TRPM3: variants seen among roughly 807,000 people sequenced by gnomAD.
The protein encoded by TRPM3 is long transient receptor potential channel 3.
Under a neutral mutation model 181.2 loss-of-function variants are expected in TRPM3, and 77 were observed. The ratio of observed to expected loss-of-function variants is 0.42; its 90% CI spans 0.35 to 0.51. The LOEUF is 0.51. TRPM3 is among the 20% of genes least tolerant of loss of function. TRPM3 has a pLI of 0.01. For synonymous variants in TRPM3, 745 were observed against 796.4 expected, an observed-to-expected ratio of 0.94 and a Z score of 1.09; for missense variants, 1,759 against 2,196.7, an observed-to-expected ratio of 0.80 and a Z score of 3.98.
At chr9:70,585,709 A>G (rs2056987409) in intron 22 of TRPM3, among the ~76,000 whole-genome samples, 1 of 152,084 alleles carries the variant, frequency 6.6e-6, no homozygotes, top group Non-Finnish European at 1.5e-5. Context: ...GTACCTTCCT[A>G]AAATCTCATC....
At chr9:71,045,484 G>A (rs1306757359) in intron 1 of TRPM3, among the ~76,000 whole-genome samples, 3 of 152,068 alleles carry the variant, frequency 2.0e-5, no homozygotes, top group Non-Finnish European at 4.4e-5. Context: ...ATGAGTACCC[G>A]GTGTACAATT....
intron 1 of TRPM3, among the ~76,000 whole-genome samples, chr9:70,909,544 G>T (rs775192581): frequency 6.6e-6 from 1 of 152,154 alleles, no homozygotes; most frequent in African/African-American, 2.4e-5. Context: ...GCATTGGAAG[G>T]TTGGGCTGTC....
At chr9:71,101,770 C>T (rs2068432771) in intron 1 of TRPM3, among the ~76,000 whole-genome samples, 1 of 152,138 alleles carries the variant, frequency 6.6e-6, no homozygotes, top group Non-Finnish European at 1.5e-5. Flanking sequence ...GATATGTCCT[C>T]TTCACTTTAG....
chr9:71,264,305 A>G (rs992142091), intron 1 of TRPM3, among the ~76,000 whole-genome samples: 1 of 152,170 alleles, frequency 6.6e-6, no homozygotes, highest in Non-Finnish European at 1.5e-5. Context: ...ATTCATTCAT[A>G]TTGACAAAAG....
intron 1 of TRPM3, among the ~76,000 whole-genome samples, chr9:70,884,826 C>T (rs1308282296): frequency 6.6e-6 from 1 of 152,178 alleles, no homozygotes; most frequent in Non-Finnish European, 1.5e-5. Flanking sequence ...TGAGGCAAAA[C>T]TCCTGCTAAA....
intron 1 of TRPM3, among the ~76,000 whole-genome samples, chr9:71,101,940 C>A (rs544899961): frequency 3.3e-5 from 5 of 152,154 alleles, no homozygotes; most frequent in Non-Finnish European, 5.9e-5. Context: ...TCAGAAGAAG[C>A]AATTAAATCA....
intron 1 of TRPM3, among the ~76,000 whole-genome samples, chr9:71,408,803 C>G (rs565119094): frequency 2.0e-5 from 3 of 152,240 alleles, no homozygotes; most frequent in East Asian, 3.9e-4. Flanking sequence ...ATGTAATTGT[C>G]AGATTCACCA....
At chr9:70,809,865 A>C in intron 6 of TRPM3, 2 of 482,288 alleles carry the variant, frequency 4.1e-6, no homozygotes, top group Non-Finnish European at 4.3e-6. Context: ...GACCTTTAAC[A>C]TACAGTGTTT....
intron 8 of TRPM3, among the ~76,000 whole-genome samples, chr9:70,747,470 G>A (rs1484656173): frequency 1.3e-5 from 2 of 152,104 alleles, no homozygotes; most frequent in East Asian, 3.9e-4. Flanking sequence ...TGGAATTTTG[G>A]ACTGAAACTG....
In TRPM3 at chr9:70,682,571, G is replaced by A. The variant is rs2065744720; in HGVS notation, c.1273-993C>T. Among the ~76,000 whole-genome samples, 3 of 152,282 alleles carry A rather than the reference G, an allele frequency of 2.0e-5. No homozygotes were observed. In the South Asian group the frequency reaches 6.2e-4, roughly 32 times the overall value. ...AGTCCATAGATCACTGATGTGGACA[G>A]AGAGTGGCTGACATAATGGAGTATC... On this transcript the variant is annotated intron_variant, in intron 8 of 25. Coordinates refer to ENST00000677713, the MANE Select transcript of TRPM3 (RefSeq NM_001366145.2).
At chr9:70,947,058 C>T (rs571211038) in intron 1 of TRPM3, among the ~76,000 whole-genome samples, 25 of 152,258 alleles carry the variant, frequency 1.6e-4, no homozygotes, top group Non-Finnish European at 2.1e-4. Flanking sequence ...AACATGTATA[C>T]GCATTTTATT....
chr9:71,121,398 C>A lies in TRPM3; in HGVS notation c.-44G>T. 1 of 1,592,130 alleles carries A rather than the reference C, an allele frequency of 6.3e-7. No individual in the cohort carries two copies. The highest frequency in any genetic ancestry group is 1.1e-5 in the South Asian group (1 of 87,794). ...CCTGCAAATTCCATTAGGGCAGAGG[C>A]TTCCTGGAACTTGGAAGACTAGTCA... On this transcript the variant is annotated 5_prime_UTR_variant, in exon 1 of 26. Coordinates refer to ENST00000677713, the MANE Select transcript of TRPM3 (RefSeq NM_001366145.2).
intron 22 of TRPM3, among the ~76,000 whole-genome samples, chr9:70,555,875 A>G (rs1450116146): frequency 1.3e-5 from 2 of 152,170 alleles, no homozygotes; most frequent in Non-Finnish European, 2.9e-5. Context: ...AGCAGAAATA[A>G]CTGCTTGGGG....
chr9:71,110,630 G>A (rs1374802778), intron 1 of TRPM3, among the ~76,000 whole-genome samples: 3 of 152,080 alleles, frequency 2.0e-5, no homozygotes, highest in African/African-American at 7.2e-5. Flanking sequence ...TGCCTACCCT[G>A]ATCTAACCTT....
chr9:71,221,059 A>T (rs1174202964), intron 1 of TRPM3, among the ~76,000 whole-genome samples: 2 of 152,120 alleles, frequency 1.3e-5, no homozygotes, highest in Non-Finnish European at 2.9e-5. Flanking sequence ...AGTGAAAATG[A>T]CTCATGCAGA....
rs2086907892 is a variant in TRPM3, at chr9:70,795,934, A to AT, written c.974-11656dup. 3.9e-5 allele frequency among the ~76,000 whole-genome samples: 6 copies of AT among 152,326 alleles called. No individual in the cohort carries two copies. In the South Asian group the frequency reaches 1.2e-3, roughly 32 times the overall value. On this transcript the variant is annotated intron_variant, in intron 6 of 25. Transcript: ENST00000677713. ...TCCCTTGGGCTGTAAGACAAGTATT[A>AT]TTTTCATAAAAGGGAAAAGCCAACA...
At position 70,529,203 on chromosome 9, in the gene TRPM3, A is replaced by G. The variant is rs1033980019; in HGVS notation, c.*6750T>C. On this transcript the variant is annotated 3_prime_UTR_variant, in exon 26 of 26. Transcript: ENST00000677713. ...AAACTCAAAGTGCATTGTGAATCCA[A>G]TAATAGACCTTTAAAAAAGAACAAT... The G allele has an allele frequency of 6.6e-6, 1 of 152,202 alleles. No homozygotes were observed. The highest frequency in any genetic ancestry group is 2.4e-5 in the African/African-American group (1 of 41,452). The allele number at this position is 152,202 out of a possible 1,614,324, so 9.4% of individuals were successfully genotyped here.
intron 1 of TRPM3, among the ~76,000 whole-genome samples, chr9:71,221,036 G>C (rs1008851082): frequency 5.3e-5 from 8 of 152,302 alleles, no homozygotes; most frequent in African/African-American, 1.7e-4. Flanking sequence ...ACTGGTAGCT[G>C]TGTGAATGAG....
At chr9:70,875,008 G>T (rs569018623) in intron 1 of TRPM3, among the ~76,000 whole-genome samples, 1 of 151,882 alleles carries the variant, frequency 6.6e-6, no homozygotes, top group African/African-American at 2.4e-5. Context: ...GTCAATGGAT[G>T]ATTCCAATTC....
Sources: allele counts gnomAD v4.1 joint callset (sites outside exome capture counted in the v4.1 genomes callset), GRCh38; gene constraint gnomAD v4.1.1; transcripts MANE v1.5; gene names NCBI Gene and HGNC (gene_info 2026-07-23, HGNC 2026-07-21).